Variants in SCAF4 observed in about 807,000 individuals in gnomAD.
The protein encoded by SCAF4 is SR-related CTD associated factor 4.
Under a neutral mutation model 129.8 loss-of-function variants are expected in SCAF4, and 25 were observed. That is an observed-to-expected ratio of 0.19 (90% confidence interval 0.14 to 0.27). The LOEUF (loss-of-function observed/expected upper bound fraction) is 0.27, where lower values mean the gene tolerates loss of function less well. SCAF4 is among the 10% of genes least tolerant of loss of function. The pLI is 1.00. For synonymous variants in SCAF4, 551 were observed against 497.7 expected (o/e 1.11, Z -1.43); for missense variants, 1,246 against 1,457.1 (o/e 0.86, Z 2.36).
rs2049707436 is a variant in SCAF4 at position 31,671,830 on chromosome 21, A to G, written c.3013T>C (p.Phe1005Leu). Residue 1005 changes from phenylalanine to leucine, a missense_variant, in exon 20 of 20, where the codon TTT (phenylalanine) becomes CTT (leucine). Phe to Leu is a conservative substitution (Grantham distance 22, BLOSUM62 0). Transcript: ENST00000286835. ...CGGTCATTTTCCACCCTATTTCCAAAAGATCTTCTTCCAAACCTTTCTTGG... is the reference window on the plus strand; with the variant it reads ...CGGTCATTTTCCACCCTATTTCCAAGAGATCTTCTTCCAAACCTTTCTTGG... ...RDQERFGRRSFGNRVENDRER... is the reference protein window; with the variant it reads ...RDQERFGRRSLGNRVENDRER... 6 of 1,613,980 alleles carry G rather than the reference A, an allele frequency of 3.7e-6. No individual in the cohort carries two copies. Among genetic ancestry groups the G allele is most frequent in the Non-Finnish European group, 5.1e-6 (6 of 1,180,006 alleles).
chr21:31,730,576 T>C (rs980708448), intron 1 of SCAF4, among the ~76,000 whole-genome samples: 1 of 152,234 alleles, frequency 6.6e-6, no homozygotes, highest in African/African-American at 2.4e-5. Context: ...TAACGCCACA[T>C]CCACACATCT....
chr21:31,731,939 G>T lies in SCAF4; in HGVS notation c.-247C>A. On this transcript the variant is annotated 5_prime_UTR_variant, in exon 1 of 20. Transcript: ENST00000286835. Reference sequence around the variant, plus strand: ...ATGAGGAAAAGGAGGCGGCGGCAGCGCTGGTCTTCAACATGTCCGTTTGGT... The same window carrying T: ...ATGAGGAAAAGGAGGCGGCGGCAGCTCTGGTCTTCAACATGTCCGTTTGGT... 2.0e-6 allele frequency: 1 copy of T among 490,838 alleles called. No homozygotes were observed. Among genetic ancestry groups the T allele is most frequent in the East Asian group, 3.5e-5 (1 of 28,400 alleles). 30.4% of individuals were successfully genotyped at this position (490,838 alleles called of 1,614,324 possible).
At position 31,731,473 on chromosome 21, in the gene SCAF4, G is replaced by A. The variant is rs931011325; in HGVS notation, c.30+190C>T. On this transcript the variant is annotated intron_variant, in intron 1 of 19. Coordinates refer to ENST00000286835, the MANE Select transcript of SCAF4 (RefSeq NM_020706.2). ...GGGTGGGCAGTGGGGGGAGGGGTGC[G>A]GGGTCAGTTCCCGTGGTCGCCGCGA... Among the ~76,000 whole-genome samples, 7 of 152,226 alleles carry A rather than the reference G, an allele frequency of 4.6e-5. No homozygotes were observed. The East Asian group carries it at 1.4e-3, about 29-fold the overall frequency.
chr21:31,708,826 T>C (rs1465781342), intron 1 of SCAF4, among the ~76,000 whole-genome samples: 1 of 152,224 alleles, frequency 6.6e-6, no homozygotes, highest in Non-Finnish European at 1.5e-5. Context: ...ATATTTTGGA[T>C]AGATTAAATC....
At chr21:31,723,457 AAAACAAAACAAAAC>A (rs2051120618) in intron 1 of SCAF4, among the ~76,000 whole-genome samples, 1 of 152,020 alleles carries the variant, frequency 6.6e-6, no homozygotes, top group African/African-American at 2.4e-5. Flanking sequence ...CGTCTCAAAA[AAAACAAAACAAAAC>A]AAACAAAACA....
intron 19 of SCAF4, among the ~76,000 whole-genome samples, chr21:31,683,349 T>A (rs879599435): frequency 6.6e-6 from 1 of 152,232 alleles, no homozygotes; most frequent in African/African-American, 2.4e-5. Flanking sequence ...CGACTTCTCA[T>A]CTGTGTTTGG....
At chr21:31,681,080 C>A (rs1220981946) in intron 19 of SCAF4, among the ~76,000 whole-genome samples, 1 of 152,154 alleles carries the variant, frequency 6.6e-6, no homozygotes, top group Non-Finnish European at 1.5e-5. Context: ...TAGCCACAGG[C>A]CACCAACTTG....
At chr21:31,700,752 T>G (rs2050507369) in intron 7 of SCAF4, 1 of 404,020 alleles carries the variant, frequency 2.5e-6, no homozygotes, top group Admixed American at 4.2e-5. Flanking sequence ...TTTTTTTTTT[T>G]TTTTTCACTT....
At chr21:31,703,025 C>T (rs188242551) in intron 4 of SCAF4, among the ~76,000 whole-genome samples, 1 of 152,186 alleles carries the variant, frequency 6.6e-6, no homozygotes, top group African/African-American at 2.4e-5. Context: ...TAGTCAGCTA[C>T]TATATCTGTA....
chr21:31,671,791 T>A lies in SCAF4; in HGVS notation c.3052A>T (p.Asn1018Tyr). The A allele has an allele frequency of 6.2e-7, 1 of 1,613,926 alleles. No individual in the cohort carries two copies. Among genetic ancestry groups the A allele is most frequent in the Non-Finnish European group, 8.5e-7 (1 of 1,179,764 alleles). The change falls in exon 20 of 20, where the codon AAC (asparagine) becomes TAC (tyrosine). Residue 1018 changes from asparagine to tyrosine, a missense_variant. Transcript: ENST00000286835. ...CTATTATCTCTATCATCATTACGGT[T>A]CCCATACCGTTCCCGGTCATTTTCC... Reference protein sequence around the residue: ...RVENDRERYGNRNDDRDNSNR... With the variant: ...RVENDRERYGYRNDDRDNSNR...
chr21:31,686,595 A>AT lies in SCAF4; in HGVS notation c.2044-863dup, dbSNP rs778319371. Among the ~76,000 whole-genome samples the AT allele has an allele frequency of 5.4e-3, 793 of 147,660 alleles. 7 individuals are homozygous for AT. The highest frequency in any genetic ancestry group is 0.018 in the African/African-American group (713 of 40,446). ...CTTAAATACCCAACAAACGTTAGCTATTTTTTTTTTTAAGATAAATTTTAA... is the reference window on the plus strand; with the variant it reads ...CTTAAATACCCAACAAACGTTAGCTATTTTTTTTTTTTAAGATAAATTTTAA... On this transcript the variant is annotated intron_variant, in intron 16 of 19. Coordinates refer to ENST00000286835, the MANE Select transcript of SCAF4 (RefSeq NM_020706.2).
intron 15 of SCAF4, among the ~76,000 whole-genome samples, chr21:31,688,869 T>G (rs1427716969): frequency 6.6e-6 from 1 of 152,232 alleles, no homozygotes; most frequent in Non-Finnish European, 1.5e-5. Flanking sequence ...TTTAAAGTAT[T>G]AGAAATAAAG....
rs554145744 is a variant in SCAF4 at position 31,696,104 on chromosome 21, T to A, written c.1068+9A>T. On this transcript the variant is annotated intron_variant, in intron 9 of 19. Coordinates refer to ENST00000286835, the MANE Select transcript of SCAF4 (RefSeq NM_020706.2). ...ATCTTTCTTTGAACTGCAAGAAAAATGCTTGTACCTGATGGTGCATTGGAT... is the reference window on the plus strand; with the variant it reads ...ATCTTTCTTTGAACTGCAAGAAAAAAGCTTGTACCTGATGGTGCATTGGAT... 9 of 1,592,514 alleles carry A rather than the reference T, an allele frequency of 5.7e-6. No homozygotes were observed. Among genetic ancestry groups the A allele is most frequent in the South Asian group, 3.3e-5 (3 of 90,452 alleles).
At chr21:31,731,531 GGCCCCGCC>G in intron 1 of SCAF4, 124 bp downstream of exon 1, 1 of 1,090,850 alleles carries the variant, frequency 9.2e-7, no homozygotes, top group African/African-American at 1.7e-5. Flanking sequence ...GCTCCGCGCA[GGCCCCGCC>G]GCCCCGGAAC....
chr21:31,722,502 C>A (rs1409446443), intron 1 of SCAF4, among the ~76,000 whole-genome samples: 1 of 152,024 alleles, frequency 6.6e-6, no homozygotes, highest in Non-Finnish European at 1.5e-5. Flanking sequence ...GACCTGTGAA[C>A]AAAAATTATA....
At chr21:31,680,351 T>C (rs1170166461) in intron 19 of SCAF4, among the ~76,000 whole-genome samples, 2 of 152,354 alleles carry the variant, frequency 1.3e-5, no homozygotes, top group East Asian at 3.9e-4. Flanking sequence ...AATCACTATT[T>C]TGCATTATCC....
intron 19 of SCAF4, 49 bp downstream of exon 19, chr21:31,685,000 G>GT: frequency 8.5e-5 from 1 of 11,818 alleles, no homozygotes; most frequent in East Asian, 0.071. Context: ...GTGGGGGGGT[G>GT]GGGGGGGGGT....
intron 19 of SCAF4, among the ~76,000 whole-genome samples, chr21:31,676,378 C>T (rs1194060244): frequency 6.6e-6 from 1 of 152,176 alleles, no homozygotes; most frequent in Non-Finnish European, 1.5e-5. Context: ...AGGCTCATGC[C>T]TCACAAGGCC....
At position 31,688,114 on chromosome 21, in the gene SCAF4, C is replaced by CAAAAAAAAAAAA. The variant is rs61592268; in HGVS notation, c.2043+181_2043+192dup. Reference sequence around the variant, plus strand: ...TGGGCAACAAAGAGAGACTCTGTCTCAAAAAAAAAAAAAAAAAAAAAAAAA... The same window carrying CAAAAAAAAAAAA: ...TGGGCAACAAAGAGAGACTCTGTCTCAAAAAAAAAAAAAAAAAAAAAAAAAAAAAAAAAAAAA... On this transcript the variant is annotated intron_variant, in intron 16 of 19. Coordinates refer to ENST00000286835, the MANE Select transcript of SCAF4 (RefSeq NM_020706.2). 2.1e-3 allele frequency among the ~76,000 whole-genome samples: 23 copies of CAAAAAAAAAAAA among 10,908 alleles called. 4 individuals are homozygous for CAAAAAAAAAAAA. The East Asian group carries it at 0.029, about 14-fold the overall frequency. The allele number at this position is 10,908 out of a possible 152,430, so 7.2% of individuals were successfully genotyped here.
Sources: allele counts gnomAD v4.1 joint callset (sites outside exome capture counted in the v4.1 genomes callset), GRCh38; gene constraint gnomAD v4.1.1; transcripts MANE v1.5; gene names NCBI Gene and HGNC (gene_info 2026-07-23, HGNC 2026-07-21).